The following CCDC25 variants were observed in gnomAD, a reference collection of about 807,000 sequenced individuals.
CCDC25 encodes coiled-coil domain containing 25.
A neutral mutation model predicts 35.3 loss-of-function variants in CCDC25; 16 were observed. The observed-to-expected ratio is 0.45, with a 90% confidence interval of 0.31 to 0.69. The LOEUF (loss-of-function observed/expected upper bound fraction) is 0.69, where lower values mean the gene tolerates loss of function less well. CCDC25 is among the 30% of genes least tolerant of loss of function. The pLI, the probability that CCDC25 is intolerant of heterozygous loss-of-function variation, is 0.06. For synonymous variants in CCDC25, 79 were observed against 80.3 expected (o/e 0.98, Z 0.09); for missense variants, 179 against 250.7 (o/e 0.71, Z 1.93).
intron 3 of CCDC25, among the ~76,000 whole-genome samples, chr8:27,759,318 A>G (rs376014098): frequency 2.0e-5 from 3 of 152,272 alleles, no homozygotes; most frequent in East Asian, 3.9e-4. Context: ...TTTAAAGATG[A>G]ATTTAGGGCT....
chr8:27,754,027 G>A (rs1287596082), intron 4 of CCDC25, among the ~76,000 whole-genome samples: 3 of 152,114 alleles, frequency 2.0e-5, no homozygotes, highest in Admixed American at 6.5e-5. Context: ...ATAGTAGAGA[G>A]CATTTTAAAC....
intron 5 of CCDC25, among the ~76,000 whole-genome samples, chr8:27,750,776 CAG>C (rs1445398915): frequency 2.3e-4 from 35 of 152,184 alleles, no homozygotes; most frequent in Admixed American, 3.9e-4. Context: ...TGGGTGAACA[CAG>C]AACAGGCTGA....
At position 27,759,465 on chromosome 8, in the gene CCDC25, C is replaced by T. The variant is rs570829470; in HGVS notation, c.117-2695G>A. On this transcript the variant is annotated intron_variant, in intron 3 of 8. Transcript: ENST00000356537. ...CCACTAAAAATACAAAAAAATTAGC[C>T]AGGCACAGTGGCGGGAGCCTGTAGT... Among the ~76,000 whole-genome samples the T allele has an allele frequency of 3.3e-4, 50 of 152,012 alleles. 1 individual carries two copies. The East Asian group carries it at 7.0e-3, about 21-fold the overall frequency.
Position 27,733,793 on chromosome 8 carries a change from GC to G in CCDC25, c.*2422del, listed in dbSNP as rs1421629727. ...TAGAAAATTGTTCCTTTTCCATTTTGCCACCCTGCTCAGTTTTCCTCATAAA... is the reference window on the plus strand; with the variant it reads ...TAGAAAATTGTTCCTTTTCCATTTTGCACCCTGCTCAGTTTTCCTCATAAA... On this transcript the variant is annotated 3_prime_UTR_variant, in exon 9 of 9. Transcript: ENST00000356537. 1 of 152,106 alleles carries G rather than the reference GC, an allele frequency of 6.6e-6. No individual in the cohort carries two copies. The highest frequency in any genetic ancestry group is 6.5e-5 in the Admixed American group (1 of 15,276). 9.4% of individuals were successfully genotyped at this position (152,106 alleles called of 1,614,324 possible).
intron 8 of CCDC25, among the ~76,000 whole-genome samples, chr8:27,739,241 AT>A (rs1803356980): frequency 6.6e-6 from 1 of 152,248 alleles, no homozygotes; most frequent in Non-Finnish European, 1.5e-5. Context: ...GGAATAAATT[AT>A]AAAGAAACAT....
At chr8:27,770,557 G>A (rs1804562832) in intron 1 of CCDC25, among the ~76,000 whole-genome samples, 1 of 152,090 alleles carries the variant, frequency 6.6e-6, no homozygotes, top group Non-Finnish European at 1.5e-5. Context: ...GACCAACATG[G>A]AGAAACCCCG....
rs770867399 is a variant in CCDC25 at position 27,762,384 on chromosome 8, GATCT to G, written c.116+31_116+34del. ...GGCCAAGTCTAAGAAAGGAAATGAT[GATCT>G]ACAGAGGGCAGAACCAAAATTGTTA... On this transcript the variant is annotated intron_variant, in intron 3 of 8. Coordinates refer to ENST00000356537, the MANE Select transcript of CCDC25 (RefSeq NM_018246.3). 8.2e-6 allele frequency: 13 copies of G among 1,592,228 alleles called. No individual in the cohort carries two copies. In the East Asian group the frequency reaches 2.9e-4, roughly 36 times the overall value.
intron 7 of CCDC25, among the ~76,000 whole-genome samples, chr8:27,746,286 T>C (rs1271377945): frequency 6.6e-6 from 1 of 152,212 alleles, no homozygotes; most frequent in African/African-American, 2.4e-5. Context: ...AGTTTCTTGA[T>C]TGCTTCTCAG....
At chr8:27,768,313 C>A (rs1804470531) in intron 1 of CCDC25, among the ~76,000 whole-genome samples, 1 of 151,756 alleles carries the variant, frequency 6.6e-6, no homozygotes, top group African/African-American at 2.4e-5. Context: ...GCATGTAATC[C>A]CAACACTTTG....
rs547408969 is a variant in CCDC25, at chr8:27,761,411, A to C, written c.116+1008T>G. Among the ~76,000 whole-genome samples the C allele has an allele frequency of 4.6e-5, 7 of 152,372 alleles. No homozygotes were observed. In the East Asian group the frequency reaches 5.8e-4, roughly 13 times the overall value. On this transcript the variant is annotated intron_variant, in intron 3 of 8. Transcript: ENST00000356537. ...TTCCTCATCTGAAAAAATGGGCATA[A>C]ATATTAATATCTATTTCACAGGGTT...
At chr8:27,766,393 G>T (rs1804400285) in intron 1 of CCDC25, among the ~76,000 whole-genome samples, 2 of 151,700 alleles carry the variant, frequency 1.3e-5, no homozygotes, top group African/African-American at 4.8e-5. Context: ...CTTCTTAAAT[G>T]ATCAATCCTA....
intron 1 of CCDC25, among the ~76,000 whole-genome samples, chr8:27,766,823 TAAAAAG>T (rs1804416522): frequency 6.6e-6 from 1 of 151,772 alleles, no homozygotes; most frequent in Non-Finnish European, 1.5e-5. Context: ...ATGTACCCAT[TAAAAAG>T]AAACGGCAGG....
intron 1 of CCDC25, among the ~76,000 whole-genome samples, chr8:27,765,519 CAA>C (rs1339065417): frequency 6.6e-6 from 1 of 151,934 alleles, no homozygotes; most frequent in Non-Finnish European, 1.5e-5. Context: ...TATCTGGCCC[CAA>C]AAGAGAAAGT....
At chr8:27,746,333 C>T (rs1449614258) in intron 7 of CCDC25, among the ~76,000 whole-genome samples, 2 of 152,150 alleles carry the variant, frequency 1.3e-5, no homozygotes, top group African/African-American at 2.4e-5. Flanking sequence ...AGATAAAAAT[C>T]TACTATGGCT....
intron 3 of CCDC25, among the ~76,000 whole-genome samples, chr8:27,761,418 A>C (rs1431207067): frequency 6.6e-6 from 1 of 152,226 alleles, no homozygotes; most frequent in Non-Finnish European, 1.5e-5. Context: ...ATAAATATTA[A>C]TATCTATTTC....
chr8:27,738,080 A>T (rs1803302738), intron 8 of CCDC25, among the ~76,000 whole-genome samples: 1 of 152,218 alleles, frequency 6.6e-6, no homozygotes, highest in East Asian at 1.9e-4. Flanking sequence ...GCAAAGGCGT[A>T]AGAATGATAC....
intron 1 of CCDC25, among the ~76,000 whole-genome samples, chr8:27,771,650 T>TAA (rs1804622106): frequency 1.3e-5 from 2 of 152,088 alleles, no homozygotes; most frequent in Admixed American, 6.6e-5. Context: ...CTCAAGGGAC[T>TAA]TACACTCTAG....
At chr8:27,766,036 T>C (rs1265607566) in intron 1 of CCDC25, among the ~76,000 whole-genome samples, 2 of 152,254 alleles carry the variant, frequency 1.3e-5, no homozygotes, top group African/African-American at 4.8e-5. Flanking sequence ...GGTGGTGTTT[T>C]ATTGCAGACG....
chr8:27,751,514 C>A (rs538405716), intron 5 of CCDC25, among the ~76,000 whole-genome samples: 1 of 152,192 alleles, frequency 6.6e-6, no homozygotes, highest in East Asian at 1.9e-4. Context: ...GGGAATGCTG[C>A]GCTGCTCTTG....
Sources: allele counts gnomAD v4.1 joint callset (sites outside exome capture counted in the v4.1 genomes callset), GRCh38; gene constraint gnomAD v4.1.1; transcripts MANE v1.5; gene names NCBI Gene and HGNC (gene_info 2026-07-23, HGNC 2026-07-21).